The following LRRC7 variants were observed in gnomAD, a reference collection of about 807,000 sequenced individuals.
The protein encoded by LRRC7 is leucine-rich repeat-containing protein 7.
LRRC7 carries 23 observed loss-of-function variants against 175.7 expected under a neutral mutation model. The ratio of observed to expected loss-of-function variants is 0.13; its 90% CI spans 0.09 to 0.19. The LOEUF (loss-of-function observed/expected upper bound fraction) is 0.19, where lower values mean the gene tolerates loss of function less well. Ranked by LOEUF, LRRC7 falls within the 10% of genes least tolerant of loss-of-function variation. LRRC7 has a pLI of 1.00. For synonymous variants in LRRC7, 685 were observed against 680.9 expected, an observed-to-expected ratio of 1.01 and a Z score of -0.09; for missense variants, 1,354 against 1,904.7, an observed-to-expected ratio of 0.71 and a Z score of 5.38.
intron 7 of LRRC7, among the ~76,000 whole-genome samples, chr1:69,870,262 G>T (rs1201424061): frequency 6.6e-6 from 1 of 152,096 alleles, no homozygotes; most frequent in Admixed American, 6.6e-5. Context: ...TAGCTATCAG[G>T]TTTACAGGTT....
chr1:69,908,883 CATT>C (rs952528273), intron 7 of LRRC7, among the ~76,000 whole-genome samples: 3 of 150,590 alleles, frequency 2.0e-5, no homozygotes, highest in African/African-American at 7.4e-5. Context: ...TAAAGTCTCC[CATT>C]ATTATTGTGT....
chr1:69,702,956 G>A (rs1663555446), intron 2 of LRRC7, among the ~76,000 whole-genome samples: 1 of 151,978 alleles, frequency 6.6e-6, no homozygotes, highest in Non-Finnish European at 1.5e-5. Flanking sequence ...TCCTCTCCTA[G>A]GATCAATTGC....
chr1:70,043,967 A>G lies in LRRC7; in HGVS notation c.3983A>G (p.Lys1328Arg). The G allele has an allele frequency of 1.9e-6, 3 of 1,610,986 alleles. No homozygotes were observed. Among genetic ancestry groups the G allele is most frequent in the Non-Finnish European group, 2.5e-6 (3 of 1,177,704 alleles). ...ARRLDRNAAYKHNTVNLGMLP... is the reference protein window; with the variant it reads ...ARRLDRNAAYRHNTVNLGMLP... ...TCCTCTACTCAGAATGCTGCTTACA[A>G]ACACAATACAGTTAACCTTGGCATG... Residue 1328 changes from lysine (K) to arginine (R), a missense_variant, in exon 22 of 27, where the codon AAA (lysine) becomes AGA (arginine). Physicochemically the swap from Lys to Arg is conservative, Grantham distance 26. Coordinates refer to ENST00000651989, the MANE Select transcript of LRRC7 (RefSeq NM_001370785.2).
chr1:69,940,757 C>T (rs780257052), intron 8 of LRRC7, among the ~76,000 whole-genome samples: 1 of 151,804 alleles, frequency 6.6e-6, no homozygotes, highest in Non-Finnish European at 1.5e-5. Context: ...TGTAAATCAC[C>T]CCAAAAAAAC....
chr1:69,615,722 A>T (rs1253207933), intron 1 of LRRC7, among the ~76,000 whole-genome samples: 1 of 152,076 alleles, frequency 6.6e-6, no homozygotes, highest in Admixed American at 6.6e-5. Context: ...GGTTCAAAAG[A>T]TTCAATTGTA....
intron 2 of LRRC7, among the ~76,000 whole-genome samples, chr1:69,699,890 T>G (rs182953932): frequency 2.1e-4 from 32 of 152,314 alleles, no homozygotes; most frequent in Non-Finnish European, 3.8e-4. Flanking sequence ...ACCAGTCTTT[T>G]ATGTTTTCAA....
chr1:69,926,561 A>G (rs1647080376), intron 7 of LRRC7, among the ~76,000 whole-genome samples: 1 of 147,654 alleles, frequency 6.8e-6, no homozygotes, highest in African/African-American at 2.5e-5. Context: ...ACCATTATGT[A>G]ATGGCCTTCT....
intron 4 of LRRC7, among the ~76,000 whole-genome samples, chr1:69,804,203 A>G (rs538724158): frequency 6.6e-5 from 10 of 151,436 alleles, no homozygotes; most frequent in Admixed American, 4.0e-4. Context: ...TGCCTTTCAC[A>G]TTGTGGCCAA....
intron 2 of LRRC7, among the ~76,000 whole-genome samples, chr1:69,705,926 T>A (rs1002680872): frequency 6.6e-6 from 1 of 152,144 alleles, no homozygotes; most frequent in African/African-American, 2.4e-5. Flanking sequence ...TTTTGATCAA[T>A]CAATGCATTC....
At chr1:69,722,767 A>G (rs1422508021) in intron 2 of LRRC7, among the ~76,000 whole-genome samples, 5 of 152,100 alleles carry the variant, frequency 3.3e-5, no homozygotes, top group African/African-American at 1.2e-4. Context: ...TATAAATTGT[A>G]TATTGATATT....
chr1:69,591,699 G>A (rs372144211), intron 1 of LRRC7, among the ~76,000 whole-genome samples: 2 of 151,900 alleles, frequency 1.3e-5, no homozygotes, highest in South Asian at 2.1e-4. Flanking sequence ...TGTGATTCAG[G>A]ATTGATGATC....
intron 1 of LRRC7, among the ~76,000 whole-genome samples, chr1:69,601,824 A>G (rs989662805): frequency 6.6e-6 from 1 of 152,120 alleles, no homozygotes; most frequent in Non-Finnish European, 1.5e-5. Context: ...GGCCCAGAGC[A>G]TTTTCAAATT....
chr1:70,039,044 C>A lies in LRRC7; in HGVS notation c.3220C>A (p.Pro1074Thr), dbSNP rs1297431971. Residue 1074 changes from proline (P) to threonine (T), a missense_variant, in exon 21 of 27, where the codon CCT (proline) becomes ACT (threonine). Coordinates refer to ENST00000651989, the MANE Select transcript of LRRC7 (RefSeq NM_001370785.2). ...KVYQFDQSFNPQGSVEVKAEK... is the reference protein window; with the variant it reads ...KVYQFDQSFNTQGSVEVKAEK... The stretch of plus-strand genomic sequence containing the variant: ...CTATCAGTTTGACCAAAGCTTCAAT[C>A]CTCAAGGATCAGTGGAAGTGAAAGC... 1 of 1,614,052 alleles carries A rather than the reference C, an allele frequency of 6.2e-7. No individual in the cohort carries two copies.
At chr1:69,921,211 A>G (rs1646878585) in intron 7 of LRRC7, among the ~76,000 whole-genome samples, 1 of 152,180 alleles carries the variant, frequency 6.6e-6, no homozygotes, top group South Asian at 2.1e-4. Context: ...AAGTCATGCA[A>G]AAGGAAGAAA....
intron 1 of LRRC7, among the ~76,000 whole-genome samples, chr1:69,584,477 C>T (rs1463940040): frequency 1.3e-5 from 2 of 152,008 alleles, no homozygotes; most frequent in African/African-American, 4.8e-5. Flanking sequence ...TTTTCTGTTA[C>T]TTTTTAGCTA....
intron 7 of LRRC7, among the ~76,000 whole-genome samples, chr1:69,849,529 T>C (rs1298963321): frequency 6.6e-6 from 1 of 151,986 alleles, no homozygotes; most frequent in Non-Finnish European, 1.5e-5. Context: ...TGGATATACA[T>C]TGTAAAATAT....
chr1:69,835,291 A>G (rs1680977242), intron 6 of LRRC7, among the ~76,000 whole-genome samples: 1 of 151,910 alleles, frequency 6.6e-6, no homozygotes, highest in Non-Finnish European at 1.5e-5. Context: ...AGGTAAAACA[A>G]TCAACTGAAA....
At chr1:70,077,985 C>T (rs944063031) in intron 24 of LRRC7, among the ~76,000 whole-genome samples, 4 of 152,074 alleles carry the variant, frequency 2.6e-5, no homozygotes, top group African/African-American at 4.8e-5. Context: ...AAATATAACA[C>T]CTTTTGATGT....
At chr1:70,104,380 A>G (rs915691940) in intron 25 of LRRC7, among the ~76,000 whole-genome samples, 1 of 152,198 alleles carries the variant, frequency 6.6e-6, no homozygotes, top group Non-Finnish European at 1.5e-5. Flanking sequence ...AGCAATGTTT[A>G]TATGCCTAAA....
Sources: allele counts gnomAD v4.1 joint callset (sites outside exome capture counted in the v4.1 genomes callset), GRCh38; gene constraint gnomAD v4.1.1; transcripts MANE v1.5; gene names NCBI Gene and HGNC (gene_info 2026-07-23, HGNC 2026-07-21).